KIF3B: variants seen among roughly 807,000 people sequenced by gnomAD.
KIF3B encodes the protein kinesin-like protein KIF3B.
A neutral mutation model predicts 74.3 loss-of-function variants in KIF3B; 38 were observed. The observed-to-expected ratio is 0.51, with a 90% confidence interval of 0.39 to 0.67. The LOEUF (loss-of-function observed/expected upper bound fraction) is 0.67, where lower values mean the gene tolerates loss of function less well. Among genes scored for constraint, KIF3B ranks in the 30% least tolerant of loss-of-function variants. KIF3B has a pLI of 0.00. For synonymous variants in KIF3B, 326 were observed against 342.5 expected (o/e 0.95, Z 0.53); for missense variants, 649 against 932.0 (o/e 0.70, Z 3.95).
At chr20:32,302,161 G>GT (rs1409170490) in intron 1 of KIF3B, among the ~76,000 whole-genome samples, 1 of 152,190 alleles carries the variant, frequency 6.6e-6, no homozygotes, top group Admixed American at 6.5e-5. Context: ...TAAAGAAAGA[G>GT]TATCAGGGCA....
intron 1 of KIF3B, among the ~76,000 whole-genome samples, chr20:32,279,789 G>A (rs2047633829): frequency 6.6e-6 from 1 of 152,146 alleles, no homozygotes; most frequent in African/African-American, 2.4e-5. Context: ...TTAAAAGAGG[G>A]CTTCTCTGTC....
intron 1 of KIF3B, among the ~76,000 whole-genome samples, chr20:32,303,696 A>C (rs1208003798): frequency 6.6e-6 from 1 of 151,526 alleles, no homozygotes; most frequent in Non-Finnish European, 1.5e-5. Flanking sequence ...CTCTACTAAA[A>C]ATACAAAAAT....
chr20:32,309,247 G>T (rs1247873534), intron 1 of KIF3B, among the ~76,000 whole-genome samples: 3 of 146,170 alleles, frequency 2.1e-5, no homozygotes, highest in Non-Finnish European at 4.5e-5. Context: ...TGCCCAGGCT[G>T]ATCTCAAACA....
chr20:32,291,888 A>T (rs2047693041), intron 1 of KIF3B, among the ~76,000 whole-genome samples: 1 of 151,756 alleles, frequency 6.6e-6, no homozygotes, highest in African/African-American at 2.4e-5. Flanking sequence ...AAGTGCTGGG[A>T]TTACAGGTGT....
intron 5 of KIF3B, 92 bp from the exon 6 acceptor site, chr20:32,326,679 C>T: frequency 3.0e-6 from 2 of 676,062 alleles, no homozygotes; most frequent in South Asian, 1.8e-5. Context: ...TGCCTTGACT[C>T]TTACCTGATT....
intron 1 of KIF3B, among the ~76,000 whole-genome samples, chr20:32,302,814 G>A (rs2047750769): frequency 6.6e-6 from 1 of 152,120 alleles, no homozygotes; most frequent in African/African-American, 2.4e-5. Flanking sequence ...TAGCTCATGA[G>A]CCATTCCCCT....
intron 1 of KIF3B, among the ~76,000 whole-genome samples, chr20:32,296,876 T>C (rs1285735335): frequency 2.6e-5 from 4 of 152,178 alleles, no homozygotes; most frequent in African/African-American, 9.7e-5. Context: ...TTTGTGAAAC[T>C]GGCCATCATA....
chr20:32,314,924 C>G (rs2047819597), intron 2 of KIF3B, among the ~76,000 whole-genome samples: 1 of 152,164 alleles, frequency 6.6e-6, no homozygotes, highest in Admixed American at 6.5e-5. Flanking sequence ...CTGCTCTTGC[C>G]TTCCTTATCT....
At chr20:32,286,123 A>G (rs1393047493) in intron 1 of KIF3B, among the ~76,000 whole-genome samples, 1 of 152,226 alleles carries the variant, frequency 6.6e-6, no homozygotes, top group Non-Finnish European at 1.5e-5. Flanking sequence ...TCATGCTTGA[A>G]TATAGTCTAT....
intron 2 of KIF3B, among the ~76,000 whole-genome samples, chr20:32,314,405 T>C (rs546047038): frequency 6.6e-6 from 1 of 152,182 alleles, no homozygotes. Flanking sequence ...CTGGGTGTGG[T>C]GGCATGCACC....
At position 32,334,945 on chromosome 20, in the gene KIF3B, A is replaced by G. The variant is rs533665914; in HGVS notation, c.*3626A>G. ...TATTTGTATCATCTCTTTGTCTAGG[A>G]ATGTAAAAGTGATTCTAAACTAAGA... On this transcript the variant is annotated 3_prime_UTR_variant, in exon 9 of 9. Transcript: ENST00000375712. The G allele has an allele frequency of 6.5e-6, 1 of 152,714 alleles. No homozygotes were observed. The highest frequency in any genetic ancestry group is 1.5e-5 in the Non-Finnish European group (1 of 68,042). The allele number at this position is 152,714 out of a possible 1,614,324, so 9.5% of individuals were successfully genotyped here.
At chr20:32,291,503 T>C (rs1486931686) in intron 1 of KIF3B, among the ~76,000 whole-genome samples, 1 of 152,212 alleles carries the variant, frequency 6.6e-6, no homozygotes, top group East Asian at 1.9e-4. Flanking sequence ...TATTCTTGTT[T>C]ACCTCTAGAG....
At chr20:32,277,947 C>A (rs1384554657) in intron 1 of KIF3B, among the ~76,000 whole-genome samples, 182 bp downstream of exon 1, 7 of 152,228 alleles carry the variant, frequency 4.6e-5, no homozygotes, top group Admixed American at 3.9e-4. Flanking sequence ...CTTCCCCTGG[C>A]AGGGTCGCGG....
At chr20:32,292,327 A>G (rs1205000545) in intron 1 of KIF3B, among the ~76,000 whole-genome samples, 2 of 152,068 alleles carry the variant, frequency 1.3e-5, no homozygotes, top group African/African-American at 2.4e-5. Flanking sequence ...CTGGTATTAC[A>G]TGATGGACCT....
At chr20:32,286,933 T>TA (rs764457369) in intron 1 of KIF3B, among the ~76,000 whole-genome samples, 87 of 152,332 alleles carry the variant, frequency 5.7e-4, no homozygotes, top group Non-Finnish European at 1.1e-3. Flanking sequence ...CAACCCCCCT[T>TA]AAATAATGTT....
intron 1 of KIF3B, among the ~76,000 whole-genome samples, chr20:32,296,785 C>G (rs2047719253): frequency 6.6e-6 from 1 of 152,088 alleles, no homozygotes; most frequent in Non-Finnish European, 1.5e-5. Flanking sequence ...TATAAAACGT[C>G]TTTTTAAAAG....
At chr20:32,302,150 A>G (rs2047747460) in intron 1 of KIF3B, among the ~76,000 whole-genome samples, 1 of 152,234 alleles carries the variant, frequency 6.6e-6, no homozygotes. Context: ...AACAAAGGTA[A>G]TAAAGAAAGA....
intron 1 of KIF3B, among the ~76,000 whole-genome samples, chr20:32,288,650 A>G (rs2047677938): frequency 6.6e-6 from 1 of 152,090 alleles, no homozygotes; most frequent in Non-Finnish European, 1.5e-5. Flanking sequence ...GGCCTTTGTC[A>G]TTTCAACCCT....
intron 5 of KIF3B, among the ~76,000 whole-genome samples, chr20:32,319,527 TACACAC>T (rs71187104): frequency 2.2e-5 from 3 of 133,538 alleles, no homozygotes; most frequent in Non-Finnish European, 3.1e-5. Flanking sequence ...ATATATTTCA[TACACAC>T]ACACACACAC....
Sources: gnomAD v4.1 joint callset for allele counts (sites outside exome capture counted in the v4.1 genomes callset) on GRCh38, gnomAD v4.1.1 for gene constraint, MANE v1.5 for transcripts, NCBI Gene and HGNC (gene_info 2026-07-23, HGNC 2026-07-21) for gene names.